The following GPC5 variants were observed in gnomAD, a reference collection of about 807,000 sequenced individuals.
GPC5 encodes the protein glypican 5, also known as glypican-5.
GPC5 carries 47 observed loss-of-function variants against 53.9 expected under a neutral mutation model. The observed-to-expected ratio is 0.87, with a 90% CI of 0.69 to 1.11. The LOEUF (loss-of-function observed/expected upper bound fraction) is 1.11. GPC5 is among the 50% of genes most tolerant of loss of function. The probability of loss-of-function intolerance (pLI) is 0.00; values close to 1 mark genes in which losing one functional copy is unlikely to be tolerated. For synonymous variants in GPC5, 286 were observed against 263.3 expected, an observed-to-expected ratio of 1.09 and a Z score of -0.84; for missense variants, 748 against 713.1, an observed-to-expected ratio of 1.05 and a Z score of -0.56.
chr13:92,119,392 T>TTG (rs1282079592), intron 6 of GPC5, among the ~76,000 whole-genome samples: 3 of 111,278 alleles, frequency 2.7e-5, no homozygotes, highest in Non-Finnish European at 5.5e-5. Context: ...GGATTTTAGT[T>TTG]TTTTTTTTTT....
chr13:91,652,672 A>G (rs2034745581), intron 2 of GPC5, among the ~76,000 whole-genome samples: 2 of 152,166 alleles, frequency 1.3e-5, no homozygotes, highest in South Asian at 4.1e-4. Context: ...TAAAGCCTAT[A>G]TATTGTTTAT....
At chr13:92,206,469 A>AGCCACCGCACCCGGCTGTCATGCC (rs2042338435) in intron 7 of GPC5, among the ~76,000 whole-genome samples, 1 of 150,770 alleles carries the variant, frequency 6.6e-6, no homozygotes, top group African/African-American at 2.4e-5. Context: ...GCTGGAATGC[A>AGCCACCGCACCCGGCTGTCATGCC]GCCACCGCAC....
chr13:91,540,928 T>C (rs1323528127), intron 2 of GPC5, among the ~76,000 whole-genome samples: 2 of 152,128 alleles, frequency 1.3e-5, no homozygotes, highest in African/African-American at 4.8e-5. Context: ...ACATTGTTGA[T>C]TAAAAGTCTA....
chr13:92,439,014 A>C lies in GPC5; in HGVS notation c.1561+294025A>C, dbSNP rs1219881608. 2.0e-5 allele frequency among the ~76,000 whole-genome samples: 3 copies of C among 152,142 alleles called. No individual in the cohort carries two copies. The East Asian group carries it at 5.8e-4, about 29-fold the overall frequency. On this transcript the variant is annotated intron_variant, in intron 7 of 7. Coordinates refer to ENST00000377067, the MANE Select transcript of GPC5 (RefSeq NM_004466.6). ...ATATACTGGTCTGGAGCTCAGATAA[A>C]AGACCAGGACTAGAGAAATCCATGT...
At chr13:92,849,304 C>A (rs1160877735) in intron 7 of GPC5, among the ~76,000 whole-genome samples, 2 of 151,666 alleles carry the variant, frequency 1.3e-5, no homozygotes, top group African/African-American at 2.4e-5. Flanking sequence ...GGAATTGCTT[C>A]TTTAAGAATA....
intron 7 of GPC5, among the ~76,000 whole-genome samples, chr13:92,706,941 G>A (rs2139261969): frequency 6.6e-6 from 1 of 152,224 alleles, no homozygotes; most frequent in East Asian, 1.9e-4. Context: ...TCCCATGATT[G>A]GGATAATGCC....
At chr13:91,734,539 A>G (rs2036772953) in intron 4 of GPC5, among the ~76,000 whole-genome samples, 1 of 151,464 alleles carries the variant, frequency 6.6e-6, no homozygotes, top group South Asian at 2.1e-4. Context: ...GTACAGAGGT[A>G]GTGTCTAATA....
chr13:91,613,744 T>C (rs1462504719), intron 2 of GPC5, among the ~76,000 whole-genome samples: 1 of 152,086 alleles, frequency 6.6e-6, no homozygotes, highest in Admixed American at 6.6e-5. Flanking sequence ...ATCTTGTAGG[T>C]TTTGGATTTA....
At chr13:92,715,565 T>G (rs938031317) in intron 7 of GPC5, among the ~76,000 whole-genome samples, 1 of 152,216 alleles carries the variant, frequency 6.6e-6, no homozygotes, top group Non-Finnish European at 1.5e-5. Flanking sequence ...ACTTCATTCA[T>G]TATCAGTAAT....
chr13:91,889,362 T>G (rs1259659728), intron 5 of GPC5, among the ~76,000 whole-genome samples: 1 of 152,224 alleles, frequency 6.6e-6, no homozygotes, highest in African/African-American at 2.4e-5. Context: ...ATTGTTCTTA[T>G]AGTTAGTAAA....
At chr13:92,137,142 C>G (rs2041790998) in intron 6 of GPC5, among the ~76,000 whole-genome samples, 1 of 151,906 alleles carries the variant, frequency 6.6e-6, no homozygotes, top group Non-Finnish European at 1.5e-5. Context: ...TGTAAATGAG[C>G]ATAGTTCGTT....
intron 5 of GPC5, among the ~76,000 whole-genome samples, chr13:91,893,122 C>G (rs934782529): frequency 6.6e-6 from 1 of 151,940 alleles, no homozygotes; most frequent in Admixed American, 6.6e-5. Context: ...ATTACTCTCA[C>G]ATATCAAAGA....
At chr13:92,441,412 A>G (rs576256852) in intron 7 of GPC5, among the ~76,000 whole-genome samples, 29 of 152,308 alleles carry the variant, frequency 1.9e-4, no homozygotes, top group African/African-American at 4.6e-4. Flanking sequence ...CTCTTTGCCT[A>G]TGAAATGATT....
intron 7 of GPC5, among the ~76,000 whole-genome samples, chr13:92,337,545 T>C (rs1218028846): frequency 6.6e-6 from 1 of 152,116 alleles, no homozygotes; most frequent in Non-Finnish European, 1.5e-5. Context: ...CAATACCAGA[T>C]TTCAAGACAT....
chr13:91,406,721 C>T lies in GPC5; in HGVS notation c.163+7512C>T, dbSNP rs999911511. The stretch of plus-strand genomic sequence containing the variant: ...CCAATTTCCCCTTCTCCTGGGAGTT[C>T]GCTTGTCATCTTCTCCTTCTGGGTG... On this transcript the variant is annotated intron_variant, in intron 1 of 7. Transcript: ENST00000377067. 8.5e-5 allele frequency among the ~76,000 whole-genome samples: 13 copies of T among 152,200 alleles called. No individual in the cohort carries two copies. In the South Asian group the frequency reaches 2.3e-3, roughly 27 times the overall value.
chr13:91,643,471 A>C (rs1263522076), intron 2 of GPC5, among the ~76,000 whole-genome samples: 1 of 152,208 alleles, frequency 6.6e-6, no homozygotes, highest in Non-Finnish European at 1.5e-5. Flanking sequence ...TTTGTATGAC[A>C]AAAGGAATGT....
At chr13:91,742,648 A>G (rs2036960706) in intron 4 of GPC5, among the ~76,000 whole-genome samples, 1 of 152,158 alleles carries the variant, frequency 6.6e-6, no homozygotes, top group African/African-American at 2.4e-5. Flanking sequence ...TTTGAGGGTA[A>G]CAATTACTGG....
At chr13:92,590,743 T>C (rs1253106262) in intron 7 of GPC5, among the ~76,000 whole-genome samples, 1 of 152,256 alleles carries the variant, frequency 6.6e-6, no homozygotes, top group African/African-American at 2.4e-5. Flanking sequence ...TTGAGTCGTC[T>C]ACACTGCTAC....
In GPC5 at chr13:92,552,654, C is replaced by T. The variant is rs181182464; in HGVS notation, c.1562-313628C>T. On this transcript the variant is annotated intron_variant, in intron 7 of 7. Transcript: ENST00000377067. ...TTTCCATGCTCTGCATTGATTTCTCCACTCAGTGATCTCTCCATCCTGGAC... is the reference window on the plus strand; with the variant it reads ...TTTCCATGCTCTGCATTGATTTCTCTACTCAGTGATCTCTCCATCCTGGAC... Among the ~76,000 whole-genome samples the T allele has an allele frequency of 3.6e-3, 545 of 151,940 alleles. 4 individuals are homozygous for T. The highest frequency in any genetic ancestry group is 6.8e-3 in the Admixed American group (103 of 15,212).
Sources: gnomAD v4.1 joint callset for allele counts (sites outside exome capture counted in the v4.1 genomes callset) on GRCh38, gnomAD v4.1.1 for gene constraint, MANE v1.5 for transcripts, NCBI Gene and HGNC (gene_info 2026-07-23, HGNC 2026-07-21) for gene names.